The following HEMK2 variants were observed in gnomAD, a reference collection of about 807,000 sequenced individuals.
HEMK2 encodes methyltransferase HEMK2.
At chr21:28,761,294 TC>T in the HEMK2 span, among the ~76,000 whole-genome samples, 1 of 152,156 alleles carries the variant, frequency 6.6e-6, no homozygotes, top group Non-Finnish European at 1.5e-5. Context: ...TGTGTTTATT[TC>T]ATTATTTTAC....
the HEMK2 span, chr21:28,882,994 G>C: frequency 1.9e-6 from 3 of 1,597,178 alleles, no homozygotes; most frequent in Non-Finnish European, 2.6e-6. Context: ...CATGTACAAA[G>C]CCTGAGGGCC....
At chr21:28,823,665 C>T in the HEMK2 span, among the ~76,000 whole-genome samples, 1 of 152,102 alleles carries the variant, frequency 6.6e-6, no homozygotes, top group Non-Finnish European at 1.5e-5. Flanking sequence ...ATTACCTTGT[C>T]TGTATCAGAC....
chr21:28,741,406 A>G, the HEMK2 span, among the ~76,000 whole-genome samples: 1 of 152,160 alleles, frequency 6.6e-6, no homozygotes, highest in African/African-American at 2.4e-5. Flanking sequence ...CTTTTATTTT[A>G]AGATTTTAAG....
the HEMK2 span, chr21:28,874,437 T>C: frequency 1.0e-4 from 16 of 152,388 alleles, no homozygotes; most frequent in South Asian, 3.3e-3. Flanking sequence ...AATGGTGTCA[T>C]ATCAGGGGCT....
At chr21:28,767,676 C>G in the HEMK2 span, among the ~76,000 whole-genome samples, 1 of 152,206 alleles carries the variant, frequency 6.6e-6, no homozygotes, top group Admixed American at 6.5e-5. Flanking sequence ...CCGAGAGGAG[C>G]ATATGAAACA....
At chr21:28,677,620 C>T in the HEMK2 span, among the ~76,000 whole-genome samples, 5 of 152,162 alleles carry the variant, frequency 3.3e-5, no homozygotes, top group African/African-American at 7.2e-5. Flanking sequence ...CCCTGACCCC[C>T]GAGTAGCCTA....
chr21:28,784,974 C>T, the HEMK2 span, among the ~76,000 whole-genome samples: 21,986 of 151,918 alleles, frequency 0.14, 2,972 homozygotes, highest in African/African-American at 0.35. Flanking sequence ...GGCTTCACTC[C>T]TGAGGCCGGT....
the HEMK2 span, among the ~76,000 whole-genome samples, chr21:28,761,888 GAA>G: frequency 6.6e-6 from 1 of 152,064 alleles, no homozygotes; most frequent in South Asian, 2.1e-4. Flanking sequence ...AGATTGGAAT[GAA>G]AAGAGTTTGA....
chr21:28,662,159 C>A, the HEMK2 span, among the ~76,000 whole-genome samples: 1 of 150,354 alleles, frequency 6.7e-6, no homozygotes, highest in Non-Finnish European at 1.5e-5. Context: ...GAAGCAGGAG[C>A]AGATCTCTGA....
At chr21:28,754,682 G>A in the HEMK2 span, among the ~76,000 whole-genome samples, 1 of 152,038 alleles carries the variant, frequency 6.6e-6, no homozygotes, top group South Asian at 2.1e-4. Context: ...ACCATGTAAG[G>A]CAATGATCTC....
the HEMK2 span, among the ~76,000 whole-genome samples, chr21:28,588,225 T>G: frequency 6.6e-6 from 1 of 152,178 alleles, no homozygotes; most frequent in East Asian, 1.9e-4. Flanking sequence ...AAAAAAGTGT[T>G]GTAAGAAAGC....
chr21:28,675,988 T>C, the HEMK2 span, among the ~76,000 whole-genome samples: 1 of 152,212 alleles, frequency 6.6e-6, no homozygotes, highest in East Asian at 1.9e-4. Context: ...CCGTGGAATT[T>C]ACTCCAACAC....
At chr21:28,838,541 A>G in the HEMK2 span, among the ~76,000 whole-genome samples, 2 of 133,564 alleles carry the variant, frequency 1.5e-5, no homozygotes, top group African/African-American at 6.3e-5. Context: ...CTCAAAATAA[A>G]AAAAAAAAGG....
chr21:28,884,728 T>C, the HEMK2 span, among the ~76,000 whole-genome samples: 1 of 152,208 alleles, frequency 6.6e-6, no homozygotes, highest in African/African-American at 2.4e-5. Context: ...TGCTATTCAG[T>C]GGGTTTAAAA....
chr21:28,805,988 T>C, the HEMK2 span, among the ~76,000 whole-genome samples: 11 of 152,220 alleles, frequency 7.2e-5, no homozygotes, highest in African/African-American at 2.7e-4. Context: ...TTGTGATTTC[T>C]TTTCCCTTGT....
the HEMK2 span, among the ~76,000 whole-genome samples, chr21:28,782,539 A>G: frequency 1.3e-3 from 202 of 152,338 alleles, no homozygotes; most frequent in African/African-American, 4.4e-3. Flanking sequence ...AAACTTCTTC[A>G]TGTCATAAAA....
At chr21:28,677,509 C>T in the HEMK2 span, among the ~76,000 whole-genome samples, 3 of 152,244 alleles carry the variant, frequency 2.0e-5, no homozygotes, top group Non-Finnish European at 4.4e-5. Flanking sequence ...GTATCCTCTG[C>T]AGACTTAAAT....
At chr21:28,775,971 T>TA in the HEMK2 span, among the ~76,000 whole-genome samples, 12,176 of 146,658 alleles carry the variant, frequency 0.083, 1,113 homozygotes, top group African/African-American at 0.22. Flanking sequence ...GAGGTGAGGG[T>TA]AAAAAAAAAA....
the HEMK2 span, among the ~76,000 whole-genome samples, chr21:28,646,270 TGATA>T: frequency 6.6e-6 from 1 of 152,204 alleles, no homozygotes; most frequent in Non-Finnish European, 1.5e-5. Flanking sequence ...CCTGATGTCC[TGATA>T]GATAACCCAT....
Sources: gnomAD v4.1 joint callset for allele counts (sites outside exome capture counted in the v4.1 genomes callset) on GRCh38, gnomAD v4.1.1 for gene constraint, MANE v1.5 for transcripts, NCBI Gene and HGNC (gene_info 2026-07-23, HGNC 2026-07-21) for gene names.